CTC1: variants seen among roughly 807,000 people sequenced by gnomAD.
The protein encoded by CTC1 is CST complex subunit CTC1.
Under a neutral mutation model 136.3 loss-of-function variants are expected in CTC1, and 91 were observed. The ratio of observed to expected loss-of-function variants is 0.67; its 90% CI spans 0.56 to 0.79. The LOEUF (loss-of-function observed/expected upper bound fraction) is 0.79, where lower values mean the gene tolerates loss of function less well. Among genes scored for constraint, CTC1 ranks in the 30% least tolerant of loss-of-function variants. CTC1 has a pLI of 0.00. For synonymous variants in CTC1, 606 were observed against 613.8 expected (o/e 0.99, Z 0.19); for missense variants, 1,432 against 1,498.1 (o/e 0.96, Z 0.73).
chr17:8,238,240 G>T lies in CTC1; in HGVS notation c.438C>A (p.Leu146=), dbSNP rs922605347. The change falls in exon 4 of 23, where the codon CTC becomes CTA. Residue 146 remains leucine, a splice_region_variant and synonymous_variant. Coordinates refer to ENST00000651323, the MANE Select transcript of CTC1 (RefSeq NM_025099.6). ...RDNTGVLSCE[L]IDLDLSWLGH... Reference sequence around the variant, plus strand: ...CCAACCAAGAAAGGTCCAGGTCTATGAGCTAAGAAAGACCAAGAGCAAGGG... The same window carrying T: ...CCAACCAAGAAAGGTCCAGGTCTATTAGCTAAGAAAGACCAAGAGCAAGGG... The T allele has an allele frequency of 6.3e-7, 1 of 1,598,756 alleles. No individual in the cohort carries two copies. Among genetic ancestry groups the T allele is most frequent in the South Asian group, 1.1e-5 (1 of 89,758 alleles).
rs955066686 is a variant in CTC1 at position 8,227,016 on chromosome 17, G to T, written c.*1164C>A. On this transcript the variant is annotated 3_prime_UTR_variant, in exon 23 of 23. Transcript: ENST00000651323. ...TGGCCCGTACGGGGTTCGAACCCGC[G>T]ACCTTGGCGTTATTAGCACCACGCT... 2 of 152,354 alleles carry T rather than the reference G, an allele frequency of 1.3e-5. No individual in the cohort carries two copies. Among genetic ancestry groups the T allele is most frequent in the South Asian group, 3.8e-4 (2 of 5,226 alleles). 9.4% of individuals were successfully genotyped at this position (152,354 alleles called of 1,614,324 possible). A position where few individuals can be genotyped will look rare whatever the true frequency, so the allele number is the denominator to read the frequency against.
At chr17:8,243,381 T>G (rs1988436708) in intron 1 of CTC1, among the ~76,000 whole-genome samples, 1 of 151,708 alleles carries the variant, frequency 6.6e-6, no homozygotes, top group Non-Finnish European at 1.5e-5. Context: ...TAGCTGGGGG[T>G]GGTGGTGCAC....
At chr17:8,246,098 T>A (rs926750487) in intron 1 of CTC1, among the ~76,000 whole-genome samples, 3 of 147,594 alleles carry the variant, frequency 2.0e-5, no homozygotes, top group African/African-American at 7.5e-5. Context: ...CCCAGCTACT[T>A]GGGAGGCTGA....
intron 14 of CTC1, 126 bp from the exon 15 acceptor site, chr17:8,231,595 G>T: frequency 8.2e-7 from 1 of 1,212,398 alleles, no homozygotes; most frequent in Non-Finnish European, 1.2e-6. Context: ...ACACACACAG[G>T]CTTTCTGGTG....
At chr17:8,232,319 T>C (rs1987312071) in intron 12 of CTC1, 42 bp downstream of exon 12, 1 of 1,592,554 alleles carries the variant, frequency 6.3e-7, no homozygotes. Flanking sequence ...AGGCCCTTCC[T>C]TCCCCCCAGA....
intron 21 of CTC1, 32 bp from the exon 22 acceptor site, chr17:8,228,661 C>T: frequency 6.2e-7 from 1 of 1,614,080 alleles, no homozygotes; most frequent in Non-Finnish European, 8.5e-7. Flanking sequence ...TAACTGGCTC[C>T]TAAACCCTTT....
chr17:8,234,487 A>G lies in CTC1; in HGVS notation c.1786T>C (p.Cys596Arg). Residue 596 changes from cysteine (C) to arginine (R), a missense_variant, in exon 10 of 23, where the codon TGT becomes CGT. By Grantham distance (180) the Cys-to-Arg change is radical. Transcript: ENST00000651323. The stretch of plus-strand genomic sequence containing the variant: ...GGGCAGAAGGCAGAGGGCAGCAGAC[A>G]GAGCCAGGACCAAGCCAGGCGGCGA... ...LNRRLAWSWLCLLPSAFCPAQ... is the reference protein window; with the variant it reads ...LNRRLAWSWLRLLPSAFCPAQ... 1 of 1,552,890 alleles carries G rather than the reference A, an allele frequency of 6.4e-7. No individual in the cohort carries two copies. Among genetic ancestry groups the G allele is most frequent in the Middle Eastern group, 1.7e-4 (1 of 5,994 alleles).
intron 18 of CTC1, 81 bp downstream of exon 18, chr17:8,229,810 G>T (rs529828880): frequency 1.0e-3 from 1,231 of 1,221,646 alleles, no homozygotes; most frequent in Non-Finnish European, 1.3e-3. Flanking sequence ...TGTAATGATG[G>T]CAAAATCTTC....
intron 1 of CTC1, among the ~76,000 whole-genome samples, chr17:8,247,126 G>A (rs1020818811): frequency 3.3e-5 from 5 of 151,222 alleles, no homozygotes; most frequent in Admixed American, 2.0e-4. Flanking sequence ...GGGATTACCG[G>A]CGTGTGCCAC....
chr17:8,233,937 G>T (rs887278526), intron 10 of CTC1, among the ~76,000 whole-genome samples: 2 of 151,904 alleles, frequency 1.3e-5, no homozygotes. Flanking sequence ...ATCCTGTCTC[G>T]AAAAAAAGGA....
chr17:8,246,079 G>A (rs760183465), intron 1 of CTC1, among the ~76,000 whole-genome samples: 50 of 152,018 alleles, frequency 3.3e-4, no homozygotes, highest in Admixed American at 1.6e-3. Flanking sequence ...GGTAGCACAC[G>A]CCAGTAGTCC....
rs117819634 is a variant in CTC1, at chr17:8,237,619, C to A, written c.648-100G>T. 0.094 allele frequency: 74,660 copies of A among 792,656 alleles called. 7,198 individuals carry two copies. Among genetic ancestry groups the A allele is most frequent in the East Asian group, 0.39 (12,709 of 32,396 alleles). The allele number at this position is 792,656 out of a possible 1,614,324, so 49.1% of individuals were successfully genotyped here. A position where few individuals can be genotyped will look rare whatever the true frequency, so the allele number is the denominator to read the frequency against. On this transcript the variant is annotated intron_variant, in intron 4 of 22. Transcript: ENST00000651323. ...GGCAGAGGTTGCAGTAAGCTGAGATCCCGCCATTGGACTCCAGCCTGGGCA... is the reference window on the plus strand; with the variant it reads ...GGCAGAGGTTGCAGTAAGCTGAGATACCGCCATTGGACTCCAGCCTGGGCA...
intron 1 of CTC1, among the ~76,000 whole-genome samples, chr17:8,247,433 C>G (rs1988837406): frequency 6.7e-6 from 1 of 150,200 alleles, no homozygotes. Flanking sequence ...CCTCAACCTT[C>G]TGAGTAGCTG....
rs941823112 is a variant in CTC1, at chr17:8,230,793, C to T, written c.2670-142G>A. ...TCCTGAAAAAACCTGAGCTCTGCCA[C>T]ACTGCACACTAAGAGTAACAGGGCC... On this transcript the variant is annotated intron_variant, in intron 15 of 22. Transcript: ENST00000651323. 7 of 677,754 alleles carry T rather than the reference C, an allele frequency of 1.0e-5. No individual in the cohort carries two copies. The East Asian group carries it at 1.4e-4, about 13-fold the overall frequency. The allele number at this position is 677,754 out of a possible 1,614,324, so 42.0% of individuals were successfully genotyped here. A position where few individuals can be genotyped will look rare whatever the true frequency, so the allele number is the denominator to read the frequency against.
Position 8,234,742 on chromosome 17 carries a change from C to T in CTC1, c.1617+7G>A. On this transcript the variant is annotated splice_region_variant and intron_variant, in intron 9 of 22. Coordinates refer to ENST00000651323, the MANE Select transcript of CTC1 (RefSeq NM_025099.6). ...TCTGCCACCATCCTTCCCCCACATC[C>T]TCATACTTTCTGGAGGGGACAGTGA... is the stretch of plus-strand genomic sequence containing the variant. 6.3e-7 allele frequency: 1 copy of T among 1,585,824 alleles called. No homozygotes were observed. Among genetic ancestry groups the T allele is most frequent in the Admixed American group, 1.8e-5 (1 of 57,120 alleles).
chr17:8,229,177 G>T lies in CTC1; in HGVS notation c.3186C>A (p.Cys1062Ter). The T allele has an allele frequency of 6.2e-7, 1 of 1,614,172 alleles. No homozygotes were observed. The highest frequency in any genetic ancestry group is 8.5e-7 in the Non-Finnish European group (1 of 1,180,048). Reference sequence around the variant, plus strand: ...CCTGGCTTATAGCTGTCTGCGTAGGGCAAGTGGAGCCCAGGCGAGTGCACT... The same window carrying T: ...CCTGGCTTATAGCTGTCTGCGTAGGTCAAGTGGAGCCCAGGCGAGTGCACT... The part of the protein sequence containing the change: ...QGKCTRLGST[C>*]PTQTAISQAI... The change falls in exon 20 of 23, where the codon TGC becomes TGA. Residue 1062 changes from cysteine (C) to a stop codon, truncating the protein, a stop_gained. Transcript: ENST00000651323. LOFTEE classifies it high-confidence loss of function.
At chr17:8,237,882 CCTT>C in intron 4 of CTC1, 146 bp downstream of exon 4, 1 of 673,914 alleles carries the variant, frequency 1.5e-6, no homozygotes, top group Non-Finnish European at 2.5e-6. Context: ...CTTCTCTTTA[CCTT>C]CTTAATATTC....
At position 8,235,191 on chromosome 17, in the gene CTC1, A is replaced by C; in HGVS notation, c.1301T>G (p.Phe434Cys). 6.2e-7 allele frequency: 1 copy of C among 1,614,130 alleles called. No homozygotes were observed. Residue 434 changes from phenylalanine to cysteine, a missense_variant, in exon 8 of 23, where the codon TTC (phenylalanine) becomes TGC (cysteine). By Grantham distance (205) the Phe-to-Cys change is radical. Coordinates refer to ENST00000651323, the MANE Select transcript of CTC1 (RefSeq NM_025099.6). ...CLRGAVLLQSFSRQKPGAHSS... is the reference protein window; with the variant it reads ...CLRGAVLLQSCSRQKPGAHSS... Reference sequence around the variant, plus strand: ...GTGAGCCCCAGGCTTCTGACGAGAGAAGCTTTGAAGCAGAACGGCGCCACG... The same window carrying C: ...GTGAGCCCCAGGCTTCTGACGAGAGCAGCTTTGAAGCAGAACGGCGCCACG...
At chr17:8,232,851 G>T (rs1027542150) in intron 11 of CTC1, 55 bp downstream of exon 11, 1 of 1,597,040 alleles carries the variant, frequency 6.3e-7, no homozygotes, top group African/African-American at 1.3e-5. Flanking sequence ...AGGCTCCCCT[G>T]GCTATGAGAA....
Sources: gnomAD v4.1 joint callset for allele counts (sites outside exome capture counted in the v4.1 genomes callset) on GRCh38, gnomAD v4.1.1 for gene constraint, MANE v1.5 for transcripts, NCBI Gene and HGNC (gene_info 2026-07-23, HGNC 2026-07-21) for gene names.